NLGN1: variants seen among roughly 807,000 people sequenced by gnomAD.
The protein encoded by NLGN1 is neuroligin-1.
A neutral mutation model predicts 65.5 loss-of-function variants in NLGN1; 12 were observed. That is an observed-to-expected ratio of 0.18 (90% confidence interval 0.12 to 0.30). The LOEUF is 0.30. Among genes scored for constraint, NLGN1 ranks in the 10% least tolerant of loss-of-function variants. NLGN1 has a pLI of 1.00. For synonymous variants in NLGN1, 350 were observed against 359.5 expected (o/e 0.97, Z 0.30); for missense variants, 750 against 1,007.1 (o/e 0.74, Z 3.46).
At chr3:173,978,431 G>A (rs376597949) in intron 4 of NLGN1, among the ~76,000 whole-genome samples, 42 of 152,162 alleles carry the variant, frequency 2.8e-4, no homozygotes, top group South Asian at 1.2e-3. Flanking sequence ...CAGATGTTGA[G>A]TACGTAGATA....
chr3:173,707,486 A>G (rs1319533880), intron 3 of NLGN1, among the ~76,000 whole-genome samples: 1 of 152,096 alleles, frequency 6.6e-6, no homozygotes, highest in Admixed American at 6.5e-5. Flanking sequence ...TGCAAATGTT[A>G]TATAAACATA....
At chr3:174,012,178 G>A (rs995726077) in intron 4 of NLGN1, among the ~76,000 whole-genome samples, 4 of 152,086 alleles carry the variant, frequency 2.6e-5, no homozygotes, top group South Asian at 2.1e-4. Context: ...GAATGGCCCT[G>A]CACAGGCCTC....
chr3:174,256,864 G>A (rs1745867786), intron 4 of NLGN1, among the ~76,000 whole-genome samples: 1 of 152,132 alleles, frequency 6.6e-6, no homozygotes, highest in African/African-American at 2.4e-5. Flanking sequence ...AAGATTTCAT[G>A]ACGAAGACAC....
At chr3:173,821,119 A>T (rs1720204126) in intron 4 of NLGN1, among the ~76,000 whole-genome samples, 2 of 152,298 alleles carry the variant, frequency 1.3e-5, no homozygotes, top group African/African-American at 4.8e-5. Flanking sequence ...GGAACAAATG[A>T]CATTTCTCGA....
At chr3:173,918,691 T>C (rs796817178) in intron 4 of NLGN1, among the ~76,000 whole-genome samples, 1 of 137,498 alleles carries the variant, frequency 7.3e-6, no homozygotes, top group South Asian at 2.3e-4. Flanking sequence ...TGTGTGTGTG[T>C]GTGTGTGTGT....
chr3:173,706,824 C>T (rs185346083), intron 3 of NLGN1, among the ~76,000 whole-genome samples: 11 of 152,348 alleles, frequency 7.2e-5, no homozygotes, highest in Non-Finnish European at 1.2e-4. Flanking sequence ...CACACGCCCA[C>T]GCGTGCACGC....
At chr3:173,732,525 T>G (rs1773013545) in intron 3 of NLGN1, among the ~76,000 whole-genome samples, 1 of 152,096 alleles carries the variant, frequency 6.6e-6, no homozygotes, top group African/African-American at 2.4e-5. Context: ...GCGGCTGGGT[T>G]CGGGGTGGGT....
chr3:174,127,571 A>G (rs1671542870), intron 4 of NLGN1, among the ~76,000 whole-genome samples: 1 of 152,082 alleles, frequency 6.6e-6, no homozygotes, highest in South Asian at 2.1e-4. Context: ...TGTCGGTCAT[A>G]CTACCTTCAC....
In NLGN1 at chr3:173,423,454, A is replaced by G. The variant is rs1396953104; in HGVS notation, c.-389-11556A>G. ...TCCCTCCTGCCTATGAGCCTGTCAA[A>G]TCAAAAGCAAGTTAGTTACCTCCAA... On this transcript the variant is annotated intron_variant, in intron 1 of 6. Coordinates refer to ENST00000457714, the Ensembl canonical transcript of NLGN1. Among the ~76,000 whole-genome samples, 4 of 152,286 alleles carry G rather than the reference A, an allele frequency of 2.6e-5. No homozygotes were observed. The East Asian group carries it at 7.7e-4, about 29-fold the overall frequency.
At chr3:174,006,449 G>A (rs1026912999) in intron 4 of NLGN1, among the ~76,000 whole-genome samples, 1 of 152,148 alleles carries the variant, frequency 6.6e-6, no homozygotes, top group Non-Finnish European at 1.5e-5. Context: ...GTCACCTGCT[G>A]TGTGCATTTG....
At chr3:174,097,318 A>G (rs893352277) in intron 4 of NLGN1, among the ~76,000 whole-genome samples, 1 of 152,186 alleles carries the variant, frequency 6.6e-6, no homozygotes, top group African/African-American at 2.4e-5. Flanking sequence ...CTTCAGGGCA[A>G]TAATTAGTGA....
chr3:173,423,948 C>A (rs1041709433), intron 1 of NLGN1, among the ~76,000 whole-genome samples: 1 of 152,222 alleles, frequency 6.6e-6, no homozygotes, highest in East Asian at 1.9e-4. Flanking sequence ...AGACTTCTCC[C>A]TGGACATCGA....
At chr3:173,751,470 T>G (rs1776291042) in intron 3 of NLGN1, among the ~76,000 whole-genome samples, 1 of 152,096 alleles carries the variant, frequency 6.6e-6, no homozygotes, top group African/African-American at 2.4e-5. Flanking sequence ...AGTAAAAACA[T>G]GTGAGTATAG....
chr3:174,267,289 C>CAAAG (rs1748445874), intron 4 of NLGN1, among the ~76,000 whole-genome samples: 2 of 152,166 alleles, frequency 1.3e-5, no homozygotes, highest in Non-Finnish European at 2.9e-5. Flanking sequence ...TGGTGGGAGG[C>CAAAG]AAAGAGGAAC....
intron 3 of NLGN1, among the ~76,000 whole-genome samples, chr3:173,775,888 A>G (rs1480974368): frequency 6.6e-6 from 1 of 152,142 alleles, no homozygotes; most frequent in Non-Finnish European, 1.5e-5. Context: ...TGATACAACT[A>G]CACAGCACTG....
At chr3:174,143,646 G>T (rs1301992257) in intron 4 of NLGN1, among the ~76,000 whole-genome samples, 1 of 152,068 alleles carries the variant, frequency 6.6e-6, no homozygotes, top group East Asian at 1.9e-4. Flanking sequence ...GGGGTATACA[G>T]CATCTCCCCA....
chr3:173,496,837 T>G (rs2149036775), intron 2 of NLGN1, among the ~76,000 whole-genome samples: 1 of 152,046 alleles, frequency 6.6e-6, no homozygotes, highest in Middle Eastern at 3.4e-3. Context: ...TATTAATATT[T>G]ACTAAATTCC....
chr3:173,562,420 G>T (rs1742891706), intron 2 of NLGN1, among the ~76,000 whole-genome samples: 1 of 152,046 alleles, frequency 6.6e-6, no homozygotes, highest in South Asian at 2.1e-4. Flanking sequence ...ATAAAAAATT[G>T]ACTGGGTATG....
At chr3:173,972,836 C>T (rs1018344761) in intron 4 of NLGN1, among the ~76,000 whole-genome samples, 1 of 152,110 alleles carries the variant, frequency 6.6e-6, no homozygotes, top group South Asian at 2.1e-4. Flanking sequence ...AATTGTTATA[C>T]ATCCAACTCC....
Sources: gnomAD v4.1 joint callset for allele counts (sites outside exome capture counted in the v4.1 genomes callset) on GRCh38, gnomAD v4.1.1 for gene constraint, MANE v1.5 for transcripts, NCBI Gene and HGNC (gene_info 2026-07-23, HGNC 2026-07-21) for gene names.